Variants in TXN2 observed in about 807,000 individuals in gnomAD.
TXN2 encodes the protein thioredoxin, mitochondrial.
TXN2 carries 12 observed loss-of-function variants against 14.6 expected under a neutral mutation model. The observed-to-expected ratio is 0.82, with a 90% CI of 0.53 to 1.33. The LOEUF (loss-of-function observed/expected upper bound fraction) is 1.33. Among genes scored for constraint, TXN2 ranks in the 40% most tolerant of loss-of-function variants. TXN2 has a pLI of 0.00. For missense variants in TXN2, 173 were observed against 207.7 expected, an observed-to-expected ratio of 0.83 and a Z score of 1.03; for synonymous variants, 89 against 81.0, an observed-to-expected ratio of 1.10 and a Z score of -0.53.
chr22:36,480,548 A>C, intron 2 of TXN2, 27 bp downstream of exon 2: 1 of 1,605,462 alleles, frequency 6.2e-7, no homozygotes, highest in Non-Finnish European at 8.5e-7. Context: ...GTAGGACCCT[A>C]GTCTTCTGTG....
chr22:36,473,816 G>GC (rs1933331841), intron 3 of TXN2, among the ~76,000 whole-genome samples: 1 of 152,176 alleles, frequency 6.6e-6, no homozygotes, highest in Admixed American at 6.5e-5. Context: ...TTCACCGCAG[G>GC]CCTTCAGTGC....
At chr22:36,477,588 T>C (rs889405292) in intron 2 of TXN2, among the ~76,000 whole-genome samples, 16 of 152,032 alleles carry the variant, frequency 1.1e-4, no homozygotes, top group Admixed American at 9.8e-4. Context: ...GCAATGTGGG[T>C]AAACATGCAT....
At chr22:36,481,046 T>G (rs1178902415) in intron 1 of TXN2, 4 of 496,494 alleles carry the variant, frequency 8.1e-6, no homozygotes, top group Non-Finnish European at 1.4e-5. Flanking sequence ...ACAGGAAAAC[T>G]GGCTTCACAA....
chr22:36,473,185 G>A (rs117970599), intron 3 of TXN2, among the ~76,000 whole-genome samples: 1,732 of 152,242 alleles, frequency 0.011, 17 homozygotes, highest in Non-Finnish European at 0.016. Flanking sequence ...GCTCACGCCC[G>A]CAATCCTAGC....
In TXN2 at chr22:36,479,392, C is replaced by T. The variant is rs554584943; in HGVS notation, c.263+1183G>A. Among the ~76,000 whole-genome samples, 112 of 150,078 alleles carry T rather than the reference C, an allele frequency of 7.5e-4. 1 individual carries two copies. The highest frequency in any genetic ancestry group is 2.6e-3 in the African/African-American group (108 of 40,790). ...TGTCACCCAGGCTGGAGTGCAATGGCGCGATCTCAGCTCACTGCAACCTCC... is the reference window on the plus strand; with the variant it reads ...TGTCACCCAGGCTGGAGTGCAATGGTGCGATCTCAGCTCACTGCAACCTCC... On this transcript the variant is annotated intron_variant, in intron 2 of 3. Coordinates refer to ENST00000216185, the MANE Select transcript of TXN2 (RefSeq NM_012473.4).
chr22:36,469,860 G>C (rs918416767), intron 3 of TXN2, among the ~76,000 whole-genome samples: 9 of 152,302 alleles, frequency 5.9e-5, no homozygotes, highest in African/African-American at 2.2e-4. Flanking sequence ...GGAGGCTGAG[G>C]CAGGAGAATC....
chr22:36,480,900 A>G, intron 1 of TXN2, 63 bp from the exon 2 acceptor site: 3 of 1,502,312 alleles, frequency 2.0e-6, no homozygotes, highest in Non-Finnish European at 2.7e-6. Context: ...CTAGAAAAAG[A>G]TTTGGGGAGT....
In TXN2 at chr22:36,479,503, TG is replaced by T. The variant is rs1806107238; in HGVS notation, c.263+1071del. ...CCCGCCACCACGCCCGATTAATTTT[TG>T]TATTTTTGGTAGAGATGGGGTTTCA... On this transcript the variant is annotated intron_variant, in intron 2 of 3. Transcript: ENST00000216185. Among the ~76,000 whole-genome samples the T allele has an allele frequency of 3.9e-5, 6 of 151,970 alleles. No homozygotes were observed. In the South Asian group the frequency reaches 1.3e-3, roughly 32 times the overall value.
intron 2 of TXN2, among the ~76,000 whole-genome samples, chr22:36,479,873 C>A (rs1435843681): frequency 6.6e-6 from 1 of 150,764 alleles, no homozygotes. Context: ...ACGGTAGTGA[C>A]ACCGATAACT....
At chr22:36,475,857 T>C (rs1466768552) in intron 3 of TXN2, among the ~76,000 whole-genome samples, 1 of 152,196 alleles carries the variant, frequency 6.6e-6, no homozygotes, top group Non-Finnish European at 1.5e-5. Context: ...GTGCACGCTG[T>C]TTCCTCAGCC....
rs371664531 is a variant in TXN2, at chr22:36,468,369, A to T, written c.388-452T>A. ...GGGTCACAGCACCTTTCTGAGCCTC[A>T]GTGTCCTTTTCCATAAAATGGGGGT... On this transcript the variant is annotated intron_variant, in intron 3 of 3. Transcript: ENST00000216185. Among the ~76,000 whole-genome samples, 14 of 152,306 alleles carry T rather than the reference A, an allele frequency of 9.2e-5. No individual in the cohort carries two copies. In the East Asian group the frequency reaches 2.7e-3, roughly 29 times the overall value.
chr22:36,467,917 C>T lies in TXN2; in HGVS notation c.388G>A (p.Val130Met), dbSNP rs1242162585. 2.5e-6 allele frequency: 4 copies of T among 1,613,830 alleles called. No individual in the cohort carries two copies. Among genetic ancestry groups the T allele is most frequent in the Non-Finnish European group, 2.5e-6 (3 of 1,179,808 alleles). Reference protein sequence around the residue: ...DHTDLAIEYEVSAVPTVLAMK... With the variant: ...DHTDLAIEYEMSAVPTVLAMK... ...GCCAGCACAGTGGGCACCGCTGACACCTGGGTGGAGAGGACAAGGGGGTCC... is the reference window on the plus strand; with the variant it reads ...GCCAGCACAGTGGGCACCGCTGACATCTGGGTGGAGAGGACAAGGGGGTCC... Residue 130 changes from valine to methionine, a missense_variant and splice_region_variant, in exon 4 of 4, where the codon GTG becomes ATG. Transcript: ENST00000216185.
At chr22:36,477,407 A>G (rs1362914324) in intron 2 of TXN2, among the ~76,000 whole-genome samples, 1 of 152,068 alleles carries the variant, frequency 6.6e-6, no homozygotes, top group Non-Finnish European at 1.5e-5. Flanking sequence ...ACGGGGTTTC[A>G]CCGTGTTAGC....
chr22:36,467,725 G>A lies in TXN2; in HGVS notation c.*79C>T. 7 of 1,235,290 alleles carry A rather than the reference G, an allele frequency of 5.7e-6. No individual in the cohort carries two copies. The highest frequency in any genetic ancestry group is 8.3e-6 in the Non-Finnish European group (7 of 841,182). 76.5% of individuals were successfully genotyped at this position (1,235,290 alleles called of 1,614,324 possible). A position where few individuals can be genotyped will look rare whatever the true frequency, so the allele number is the denominator to read the frequency against. ...CCAGGAGCCAGACAGGAGGGAGGCAGCAGGAAGGGCTGGCATGGAAGGGCT... is the reference window on the plus strand; with the variant it reads ...CCAGGAGCCAGACAGGAGGGAGGCAACAGGAAGGGCTGGCATGGAAGGGCT... On this transcript the variant is annotated 3_prime_UTR_variant, in exon 4 of 4. Transcript: ENST00000216185.
intron 2 of TXN2, 43 bp from the exon 3 acceptor site, chr22:36,476,899 G>A (rs750145365): frequency 6.8e-6 from 11 of 1,612,458 alleles, no homozygotes; most frequent in African/African-American, 2.7e-5. Flanking sequence ...TCAAAAGAGC[G>A]CTCAGCATCC....
intron 3 of TXN2, 55 bp from the exon 4 acceptor site, chr22:36,467,972 T>G: frequency 6.8e-7 from 1 of 1,469,144 alleles, no homozygotes; most frequent in South Asian, 1.1e-5. Context: ...ACTTCTCAAC[T>G]GCCACTCCTG....
At chr22:36,479,267 AAAC>A (rs1391403761) in intron 2 of TXN2, among the ~76,000 whole-genome samples, 6 of 152,208 alleles carry the variant, frequency 3.9e-5, no homozygotes, top group Non-Finnish European at 2.9e-5. Flanking sequence ...TGAGTCAGAG[AAAC>A]AACTGGAAAG....
chr22:36,478,463 G>A lies in TXN2; in HGVS notation c.264-1607C>T, dbSNP rs145005600. Among the ~76,000 whole-genome samples the A allele has an allele frequency of 5.8e-3, 890 of 152,252 alleles. 10 individuals are homozygous for A. Among genetic ancestry groups the A allele is most frequent in the African/African-American group, 0.02 (842 of 41,516 alleles). ...CAGTTCCACCTTTCACAAACCCCTG[G>A]CTGACAACTCCTATTTTATTCTCAG... On this transcript the variant is annotated intron_variant, in intron 2 of 3. Coordinates refer to ENST00000216185, the MANE Select transcript of TXN2 (RefSeq NM_012473.4).
chr22:36,481,614 C>G lies in TXN2; in HGVS notation c.-51G>C, dbSNP rs1230212869. On this transcript the variant is annotated 5_prime_UTR_variant, in exon 1 of 4. Transcript: ENST00000216185. The stretch of plus-strand genomic sequence containing the variant: ...GCACAGCCTAGCCCTCCCTGCCTGT[C>G]AAGGGCACGCCTGTCGTCACTTCCT... 2.0e-6 allele frequency: 2 copies of G among 992,710 alleles called. No individual in the cohort carries two copies. Among genetic ancestry groups the G allele is most frequent in the Non-Finnish European group, 2.4e-6 (2 of 826,746 alleles). 61.5% of individuals were successfully genotyped at this position (992,710 alleles called of 1,614,324 possible).
Sources: gnomAD v4.1 joint callset for allele counts (sites outside exome capture counted in the v4.1 genomes callset) on GRCh38, gnomAD v4.1.1 for gene constraint, MANE v1.5 for transcripts, NCBI Gene and HGNC (gene_info 2026-07-23, HGNC 2026-07-21) for gene names.